ABHD17C: variants seen among roughly 807,000 people sequenced by gnomAD.
ABHD17C encodes alpha/beta hydrolase domain-containing protein 17C.
In ABHD17C, 11 loss-of-function variants were observed where a neutral mutation model predicts 27.9. The observed-to-expected ratio is 0.39, with a 90% CI of 0.25 to 0.65. The LOEUF (loss-of-function observed/expected upper bound fraction) is 0.65. Among genes scored for constraint, ABHD17C ranks in the 30% least tolerant of loss-of-function variants. The pLI is 0.45. For synonymous variants in ABHD17C, 233 were observed against 209.1 expected (o/e 1.11, Z -0.98); for missense variants, 280 against 470.2 (o/e 0.60, Z 3.74).
chr15:80,731,920 G>A (rs902823955), intron 1 of ABHD17C, among the ~76,000 whole-genome samples: 1 of 152,158 alleles, frequency 6.6e-6, no homozygotes, highest in East Asian at 1.9e-4. Context: ...GTACAGTGCT[G>A]TGGCATTGAG....
intron 1 of ABHD17C, among the ~76,000 whole-genome samples, chr15:80,713,986 C>T (rs905483511): frequency 6.6e-6 from 1 of 151,880 alleles, no homozygotes; most frequent in African/African-American, 2.4e-5. Flanking sequence ...CATGGTCTTG[C>T]TCTGTCACCC....
At chr15:80,734,081 C>T (rs1000787124) in intron 1 of ABHD17C, among the ~76,000 whole-genome samples, 8 of 151,960 alleles carry the variant, frequency 5.3e-5, no homozygotes, top group African/African-American at 9.7e-5. Context: ...ACGTCCCGGA[C>T]TCAAACCATC....
At chr15:80,696,583 A>G (rs1178750572) in intron 1 of ABHD17C, among the ~76,000 whole-genome samples, 1 of 152,158 alleles carries the variant, frequency 6.6e-6, no homozygotes, top group Non-Finnish European at 1.5e-5. Context: ...CTGGTGGGGC[A>G]AAGTAGTGGC....
At position 80,695,780 on chromosome 15, in the gene ABHD17C, C is replaced by T; in HGVS notation, c.351C>T (p.Asp117=). The change falls in exon 1 of 3, where the codon GAC becomes GAT. Residue 117 remains aspartate, a synonymous_variant. Transcript: ENST00000258884. This position sits in a 1 kb window ranked among gnomAD's most constrained non-coding sequence, Gnocchi z 4.3. ...TCTTCTTCTCGCGCACGGCCCGGGA[C>T]AACCGGCTCGGCTGCATGTTCGTGC... ...VEVFFSRTAR[D]NRLGCMFVRC... is the part of the protein sequence containing the mutation. 1.9e-6 allele frequency: 3 copies of T among 1,545,590 alleles called. No homozygotes were observed. The highest frequency in any genetic ancestry group is 8.7e-7 in the Non-Finnish European group (1 of 1,153,148).
At chr15:80,741,855 A>G (rs1462423099) in intron 1 of ABHD17C, among the ~76,000 whole-genome samples, 2 of 152,190 alleles carry the variant, frequency 1.3e-5, no homozygotes, top group African/African-American at 2.4e-5. Flanking sequence ...AATAAGGGTT[A>G]CTTGAACACA....
At chr15:80,724,493 A>C (rs898233007) in intron 1 of ABHD17C, among the ~76,000 whole-genome samples, 2 of 152,184 alleles carry the variant, frequency 1.3e-5, no homozygotes, top group African/African-American at 4.8e-5. Flanking sequence ...CAGTGCAGTG[A>C]TTTTTGATTG....
At chr15:80,696,848 A>T (rs73500817) in intron 1 of ABHD17C, among the ~76,000 whole-genome samples, 5,447 of 152,262 alleles carry the variant, frequency 0.036, 197 homozygotes, top group East Asian at 0.1. Context: ...TCACTATTAG[A>T]CAAAAGTCTT....
At chr15:80,752,849 TG>T (rs1020804042) in intron 2 of ABHD17C, among the ~76,000 whole-genome samples, 1 of 152,250 alleles carries the variant, frequency 6.6e-6, no homozygotes, top group Non-Finnish European at 1.5e-5. Context: ...TAAAGTCTTT[TG>T]GATTCCTCTT....
At chr15:80,750,469 A>G (rs925389365) in intron 2 of ABHD17C, among the ~76,000 whole-genome samples, 2 of 152,202 alleles carry the variant, frequency 1.3e-5, no homozygotes, top group Non-Finnish European at 2.9e-5. Flanking sequence ...TTGCCATTTT[A>G]TAAAAAAACC....
chr15:80,743,823 T>C (rs965076178), intron 1 of ABHD17C, among the ~76,000 whole-genome samples: 1 of 152,186 alleles, frequency 6.6e-6, no homozygotes, highest in Non-Finnish European at 1.5e-5. Flanking sequence ...TTCGCACTCC[T>C]CGGCCTCAGA....
At chr15:80,699,767 G>A (rs998861395) in intron 1 of ABHD17C, among the ~76,000 whole-genome samples, 5 of 152,142 alleles carry the variant, frequency 3.3e-5, no homozygotes, top group East Asian at 1.9e-4. Flanking sequence ...GGTTGTTGCC[G>A]TTTGGCCAAT....
chr15:80,754,271 C>A lies in ABHD17C; in HGVS notation c.891C>A (p.Pro297=). ...MYERCPRAVE[P]LWVEGAGHND... is the part of the protein sequence containing the mutation. ...AGCGCTGTCCCCGAGCCGTGGAGCC[C>A]CTTTGGGTTGAAGGGGCTGGGCATA... The change falls in exon 3 of 3, where the codon CCC becomes CCA. Residue 297 remains proline, a synonymous_variant. Transcript: ENST00000258884. 6.2e-7 allele frequency: 1 copy of A among 1,613,930 alleles called. No homozygotes were observed. Among genetic ancestry groups the A allele is most frequent in the Non-Finnish European group, 8.5e-7 (1 of 1,179,868 alleles).
At position 80,696,125 on chromosome 15, in the gene ABHD17C, G is replaced by C. The variant is rs1894491965; in HGVS notation, c.590+106G>C. On this transcript the variant is annotated intron_variant, in intron 1 of 2. Transcript: ENST00000258884. ...CTGCCAGGAGAGGGGCCCCTCCTCC[G>C]GGGCTGAGGGCCAGCGGAGAGCCCC... 5.1e-6 allele frequency: 6 copies of C among 1,179,236 alleles called. No homozygotes were observed. The South Asian group carries it at 5.7e-5, about 11-fold the overall frequency. The allele number at this position is 1,179,236 out of a possible 1,614,324, so 73.0% of individuals were successfully genotyped here.
At chr15:80,732,675 C>G (rs1411285190) in intron 1 of ABHD17C, among the ~76,000 whole-genome samples, 2 of 152,188 alleles carry the variant, frequency 1.3e-5, no homozygotes, top group Non-Finnish European at 2.9e-5. Flanking sequence ...CCCAGGAGAA[C>G]AGAACTGAAG....
chr15:80,707,794 G>A (rs1386642382), intron 1 of ABHD17C, among the ~76,000 whole-genome samples: 3 of 152,090 alleles, frequency 2.0e-5, no homozygotes, highest in Non-Finnish European at 1.5e-5. Context: ...ACAGCTCGGC[G>A]TGTCAAAGTA....
rs1037256583 is a variant in ABHD17C, at chr15:80,754,994, A to G, written c.*624A>G. On this transcript the variant is annotated 3_prime_UTR_variant, in exon 3 of 3. Transcript: ENST00000258884. ...AAACTAGGGGTTTTTTTAAGTGTAA[A>G]TTTATTACTAGCCAACAGAGTTTTA... 3 of 152,152 alleles carry G rather than the reference A, an allele frequency of 2.0e-5. No homozygotes were observed. The highest frequency in any genetic ancestry group is 2.9e-5 in the Non-Finnish European group (2 of 68,036). 9.4% of individuals were successfully genotyped at this position (152,152 alleles called of 1,614,324 possible).
chr15:80,699,127 T>C (rs1314401800), intron 1 of ABHD17C, among the ~76,000 whole-genome samples: 1 of 152,240 alleles, frequency 6.6e-6, no homozygotes, highest in Non-Finnish European at 1.5e-5. Context: ...GTGCACCTGG[T>C]ACTCAGCCCC....
At chr15:80,751,769 A>T (rs1358435455) in intron 2 of ABHD17C, among the ~76,000 whole-genome samples, 2 of 152,242 alleles carry the variant, frequency 1.3e-5, no homozygotes, top group East Asian at 1.9e-4. Context: ...AAAATTTTTT[A>T]AAAGGCTGGT....
At chr15:80,731,091 C>T (rs1012929303) in intron 1 of ABHD17C, among the ~76,000 whole-genome samples, 3 of 152,160 alleles carry the variant, frequency 2.0e-5, no homozygotes, top group African/African-American at 7.2e-5. Flanking sequence ...ATACAGTCCC[C>T]GTCGTCTGTG....
Sources: allele counts gnomAD v4.1 joint callset (sites outside exome capture counted in the v4.1 genomes callset), GRCh38; gene constraint gnomAD v4.1.1; non-coding constraint Gnocchi (gnomAD v3.1); transcripts MANE v1.5; gene names NCBI Gene and HGNC (gene_info 2026-07-23, HGNC 2026-07-21).